CHRM2: variants seen among roughly 807,000 people sequenced by gnomAD.
CHRM2 encodes the protein cholinergic receptor muscarinic 2, also known as muscarinic acetylcholine receptor M2.
Under a neutral mutation model 25.0 loss-of-function variants are expected in CHRM2, and 8 were observed. The ratio of observed to expected loss-of-function variants is 0.32; its 90% CI spans 0.19 to 0.58. CHRM2 has a LOEUF of 0.58. CHRM2 is among the 20% of genes least tolerant of loss of function. The probability of loss-of-function intolerance (pLI) is 0.88; values close to 1 mark genes in which losing one functional copy is unlikely to be tolerated. For synonymous variants in CHRM2, 202 were observed against 205.7 expected (o/e 0.98, Z 0.15); for missense variants, 440 against 567.1 (o/e 0.78, Z 2.28).
At chr7:136,937,751 T>C (rs1479892764) in intron 2 of CHRM2, among the ~76,000 whole-genome samples, 8 of 152,056 alleles carry the variant, frequency 5.3e-5, no homozygotes, top group Admixed American at 5.2e-4. Flanking sequence ...ATATATGAGA[T>C]AGATTTGAAA....
At chr7:136,891,843 C>T (rs930576129) in intron 2 of CHRM2, among the ~76,000 whole-genome samples, 14 of 152,136 alleles carry the variant, frequency 9.2e-5, no homozygotes, top group South Asian at 6.2e-4. Flanking sequence ...GATTATCTGC[C>T]GCTCCTCAGA....
At chr7:136,916,880 A>G in intron 2 of CHRM2, among the ~76,000 whole-genome samples, 1 of 151,430 alleles carries the variant, frequency 6.6e-6, no homozygotes, top group East Asian at 1.9e-4. Context: ...GTGAATGAAT[A>G]TGTGTATACT....
At chr7:137,007,751 AG>A (rs1804540663) in intron 3 of CHRM2, among the ~76,000 whole-genome samples, 2 of 152,066 alleles carry the variant, frequency 1.3e-5, no homozygotes, top group Admixed American at 6.6e-5. Context: ...AAGATTGGTA[AG>A]GGTCATTATA....
At chr7:136,934,139 A>C (rs899798722) in intron 2 of CHRM2, among the ~76,000 whole-genome samples, 1 of 152,110 alleles carries the variant, frequency 6.6e-6, no homozygotes, top group Non-Finnish European at 1.5e-5. Context: ...AAAATTGCAA[A>C]TAAGTCAGGA....
intron 2 of CHRM2, among the ~76,000 whole-genome samples, chr7:136,933,866 A>G (rs538636296): frequency 5.3e-5 from 8 of 152,330 alleles, no homozygotes; most frequent in African/African-American, 1.9e-4. Flanking sequence ...AGGCAAATCT[A>G]CAGAGATGGA....
intron 2 of CHRM2, among the ~76,000 whole-genome samples, chr7:136,921,464 C>A (rs1798426522): frequency 6.6e-6 from 1 of 152,106 alleles, no homozygotes; most frequent in Admixed American, 6.6e-5. Flanking sequence ...GTTGACAGCT[C>A]CCCATTCTTA....
chr7:136,914,446 A>T (rs551956745), intron 2 of CHRM2: 13 of 152,064 alleles, frequency 8.5e-5, no homozygotes, highest in Admixed American at 2.0e-4. Flanking sequence ...TTGGGTATCC[A>T]CCTGGGAATG....
chr7:137,012,720 TAAC>T (rs1276122540), intron 3 of CHRM2, among the ~76,000 whole-genome samples: 1 of 152,016 alleles, frequency 6.6e-6, no homozygotes, highest in Non-Finnish European at 1.5e-5. Context: ...TTTTTTGCTA[TAAC>T]AACATTTCTG....
Position 137,015,480 on chromosome 7 carries a change from A to G in CHRM2, c.615A>G (p.Leu205=), listed in dbSNP as rs749769624. The change falls in exon 4 of 4, where the codon CTA becomes CTG. Residue 205 remains leucine, a synonymous_variant. Transcript: ENST00000680005. This position sits in a 1 kb window ranked among gnomAD's most constrained non-coding sequence, Gnocchi z 5.1. The part of the protein sequence containing the change: ...FYLPVIIMTV[L]YWHISRASKS... Reference sequence around the variant, plus strand: ...TGCCAGTGATCATCATGACTGTGCTATATTGGCACATATCCCGAGCCAGCA... The same window carrying G: ...TGCCAGTGATCATCATGACTGTGCTGTATTGGCACATATCCCGAGCCAGCA... The G allele has an allele frequency of 1.9e-5, 31 of 1,613,184 alleles. No individual in the cohort carries two copies. The highest frequency in any genetic ancestry group is 2.5e-5 in the Non-Finnish European group (29 of 1,179,624).
intron 2 of CHRM2, among the ~76,000 whole-genome samples, chr7:136,989,192 G>GT (rs2131009625): frequency 6.6e-6 from 1 of 151,508 alleles, no homozygotes; most frequent in Admixed American, 6.6e-5. Context: ...ATTTCTATAT[G>GT]TTTGGGAAAA....
chr7:136,974,269 C>T (rs1009205941), intron 2 of CHRM2, among the ~76,000 whole-genome samples: 5 of 152,186 alleles, frequency 3.3e-5, no homozygotes, highest in African/African-American at 1.2e-4. Context: ...ATTCATTTAT[C>T]CTATAAATAT....
intron 2 of CHRM2, among the ~76,000 whole-genome samples, chr7:136,913,504 G>C (rs1278240422): frequency 1.3e-5 from 2 of 151,884 alleles, no homozygotes; most frequent in Non-Finnish European, 2.9e-5. Context: ...TATCTGAACT[G>C]TTTCTCTCAA....
rs1000326034 is a variant in CHRM2 at position 136,928,077 on chromosome 7, G to A, written c.-125+58659G>A. Among the ~76,000 whole-genome samples the A allele has an allele frequency of 3.3e-5, 5 of 152,106 alleles. No homozygotes were observed. The South Asian group carries it at 6.2e-4, about 19-fold the overall frequency. ...TACTGGAGAGAATTTTGCGCAGAGT[G>A]GATTGGGAAAGGGACATTAAATGTA... On this transcript the variant is annotated intron_variant, in intron 2 of 3. Transcript: ENST00000680005.
chr7:136,897,452 G>A (rs1175730683), intron 2 of CHRM2, among the ~76,000 whole-genome samples: 1 of 152,030 alleles, frequency 6.6e-6, no homozygotes, highest in East Asian at 1.9e-4. Context: ...TTCTCATGCT[G>A]TATCCTTTTG....
chr7:136,944,841 C>A (rs1285886384), intron 2 of CHRM2, among the ~76,000 whole-genome samples: 6 of 151,928 alleles, frequency 3.9e-5, no homozygotes, highest in Non-Finnish European at 7.4e-5. Context: ...ATTGCTTTTG[C>A]ATCAGCCTAA....
chr7:136,899,812 T>C (rs1797101110), intron 2 of CHRM2: 1 of 152,064 alleles, frequency 6.6e-6, no homozygotes, highest in Non-Finnish European at 1.5e-5. Context: ...AGGATCTTCT[T>C]CAGAGCTAAT....
At chr7:136,972,521 T>C (rs1406024404) in intron 2 of CHRM2, among the ~76,000 whole-genome samples, 1 of 152,116 alleles carries the variant, frequency 6.6e-6, no homozygotes, top group Non-Finnish European at 1.5e-5. Context: ...TTCCATTCCC[T>C]CTAGCGTTTT....
intron 2 of CHRM2, among the ~76,000 whole-genome samples, chr7:136,929,504 A>T (rs575336018): frequency 1.3e-5 from 2 of 152,152 alleles, no homozygotes; most frequent in East Asian, 3.9e-4. Flanking sequence ...CAGGAAGAAA[A>T]GAGAGTCCTC....
intron 2 of CHRM2, chr7:136,907,029 C>G (rs1797593754): frequency 1.3e-5 from 2 of 151,862 alleles, no homozygotes; most frequent in East Asian, 3.9e-4. Context: ...AGCACACAAC[C>G]TAGATCTCTC....
Sources: gnomAD v4.1 joint callset for allele counts (sites outside exome capture counted in the v4.1 genomes callset) on GRCh38, gnomAD v4.1.1 for gene constraint, Gnocchi (gnomAD v3.1) non-coding constraint, MANE v1.5 for transcripts, NCBI Gene and HGNC (gene_info 2026-07-23, HGNC 2026-07-21) for gene names.